The following NOL10 variants were observed in gnomAD, a reference collection of about 807,000 sequenced individuals.
NOL10 encodes H_NH0074G24.1.
NOL10 carries 58 observed loss-of-function variants against 103.5 expected under a neutral mutation model. That is an observed-to-expected ratio of 0.56 (90% CI 0.45 to 0.70). The LOEUF is 0.70. Among genes scored for constraint, NOL10 ranks in the 30% least tolerant of loss-of-function variants. The pLI is 0.00. For synonymous variants in NOL10, 287 were observed against 282.5 expected (o/e 1.02, Z -0.16); for missense variants, 763 against 807.3 (o/e 0.95, Z 0.67).
chr2:10,685,755 G>A (rs1366198274), intron 1 of NOL10, among the ~76,000 whole-genome samples: 1 of 152,046 alleles, frequency 6.6e-6, no homozygotes, highest in South Asian at 2.1e-4. Flanking sequence ...AGGTATAGCA[G>A]TAGTAAATAA....
At chr2:10,644,709 T>C (rs1415184045) in intron 12 of NOL10, among the ~76,000 whole-genome samples, 1 of 152,218 alleles carries the variant, frequency 6.6e-6, no homozygotes. Flanking sequence ...CAGGGAATTA[T>C]AACAGACTGA....
intron 13 of NOL10, among the ~76,000 whole-genome samples, chr2:10,627,380 A>G (rs1677536801): frequency 6.6e-6 from 1 of 152,118 alleles, no homozygotes; most frequent in African/African-American, 2.4e-5. Context: ...TCCTATTATG[A>G]ATCAAGACAT....
chr2:10,570,820 T>C lies in NOL10; in HGVS notation c.*1251A>G, dbSNP rs1189475967. ...ATGTTTCCTCCAGTAAGTTTATGTT[T>C]GACTGTACTTAAGAAACAGGAAAAA... is the stretch of plus-strand genomic sequence containing the variant. On this transcript the variant is annotated 3_prime_UTR_variant, in exon 21 of 21. Transcript: ENST00000381685. 6.7e-6 allele frequency: 1 copy of C among 149,370 alleles called. No individual in the cohort carries two copies. The highest frequency in any genetic ancestry group is 1.5e-5 in the Non-Finnish European group (1 of 67,922). The allele number at this position is 149,370 out of a possible 1,614,324, so 9.3% of individuals were successfully genotyped here.
chr2:10,673,268 T>C (rs1039359327), intron 5 of NOL10: 3 of 319,186 alleles, frequency 9.4e-6, no homozygotes, highest in Non-Finnish European at 1.7e-5. Flanking sequence ...AAAATACAAA[T>C]AAGGTTTCAT....
chr2:10,652,509 T>G (rs1679541698), intron 12 of NOL10, among the ~76,000 whole-genome samples: 1 of 152,214 alleles, frequency 6.6e-6, no homozygotes, highest in African/African-American at 2.4e-5. Context: ...AACAGCAGCA[T>G]GCAATCAATC....
chr2:10,688,428 T>C (rs747415359), intron 1 of NOL10, among the ~76,000 whole-genome samples: 6 of 152,174 alleles, frequency 3.9e-5, no homozygotes, highest in African/African-American at 7.2e-5. Context: ...TCCTCCTACA[T>C]GTCCAGTGCA....
chr2:10,673,682 C>T (rs574793312), intron 4 of NOL10, 125 bp from the exon 5 acceptor site: 118 of 553,694 alleles, frequency 2.1e-4, no homozygotes, highest in Middle Eastern at 1.6e-3. Flanking sequence ...TCTGCCTCTA[C>T]GTGAAACAAG....
intron 13 of NOL10, among the ~76,000 whole-genome samples, chr2:10,637,644 T>C (rs1312318892): frequency 1.3e-5 from 2 of 152,234 alleles, no homozygotes; most frequent in African/African-American, 4.8e-5. Context: ...TGGCTTCCAA[T>C]TGTGCATTTC....
At chr2:10,594,531 C>T (rs1675562447) in intron 17 of NOL10, among the ~76,000 whole-genome samples, 1 of 152,104 alleles carries the variant, frequency 6.6e-6, no homozygotes, top group Non-Finnish European at 1.5e-5. Flanking sequence ...ATAAGTCTAA[C>T]CTATCTAAAC....
At chr2:10,641,976 C>G (rs1678725644) in intron 13 of NOL10, among the ~76,000 whole-genome samples, 1 of 152,208 alleles carries the variant, frequency 6.6e-6, no homozygotes. Flanking sequence ...CAGAAGGGAT[C>G]TAAGATCCAA....
intron 13 of NOL10, among the ~76,000 whole-genome samples, chr2:10,628,311 C>CA (rs1212215136): frequency 1.3e-5 from 2 of 152,082 alleles, no homozygotes; most frequent in Non-Finnish European, 1.5e-5. Context: ...CCAAGACAGC[C>CA]CCTTCACTGT....
intron 14 of NOL10, among the ~76,000 whole-genome samples, chr2:10,605,119 G>C (rs934394177): frequency 6.6e-6 from 1 of 152,192 alleles, no homozygotes; most frequent in South Asian, 2.1e-4. Flanking sequence ...TTAAAGAGGC[G>C]AAGTGAATTG....
intron 4 of NOL10, 27 bp from the exon 5 acceptor site, chr2:10,673,584 C>T (rs1039363773): frequency 6.7e-7 from 1 of 1,488,992 alleles, no homozygotes; most frequent in Non-Finnish European, 9.3e-7. Flanking sequence ...AGGAAAAATA[C>T]AATTATCAAA....
chr2:10,672,082 C>T (rs1055418246), intron 5 of NOL10, among the ~76,000 whole-genome samples: 3 of 152,142 alleles, frequency 2.0e-5, no homozygotes, highest in Non-Finnish European at 4.4e-5. Flanking sequence ...AATCCCAGCA[C>T]TTTGGGAGGA....
intron 16 of NOL10, among the ~76,000 whole-genome samples, chr2:10,602,152 G>C (rs1210619580): frequency 6.6e-6 from 1 of 152,202 alleles, no homozygotes; most frequent in Non-Finnish European, 1.5e-5. Context: ...TATGCCTCAA[G>C]GGCCCTGGAA....
intron 14 of NOL10, 43 bp from the exon 15 acceptor site, chr2:10,603,200 T>G (rs973213910): frequency 5.1e-6 from 7 of 1,373,240 alleles, no homozygotes. Context: ...TTATGCAATC[T>G]TCATTAACAT....
chr2:10,647,250 C>A (rs1679148992), intron 12 of NOL10, among the ~76,000 whole-genome samples: 1 of 152,084 alleles, frequency 6.6e-6, no homozygotes, highest in South Asian at 2.1e-4. Context: ...CAGAAACATG[C>A]ACAAATCAGT....
At chr2:10,679,558 CTT>C (rs1484700216) in intron 3 of NOL10, among the ~76,000 whole-genome samples, 3 of 150,372 alleles carry the variant, frequency 2.0e-5, no homozygotes, top group Admixed American at 6.6e-5. Flanking sequence ...TTCTTTCTTC[CTT>C]TCTTTCCTTT....
At chr2:10,653,016 C>T (rs571202395) in intron 12 of NOL10, among the ~76,000 whole-genome samples, 236 of 152,020 alleles carry the variant, frequency 1.6e-3, no homozygotes, top group Non-Finnish European at 2.9e-3. Context: ...GCCAACATGG[C>T]GGAACCCCGT....
Sources: allele counts gnomAD v4.1 joint callset (sites outside exome capture counted in the v4.1 genomes callset), GRCh38; gene constraint gnomAD v4.1.1; transcripts MANE v1.5; gene names NCBI Gene and HGNC (gene_info 2026-07-23, HGNC 2026-07-21).